The following HPGD variants were observed in gnomAD, a reference collection of about 807,000 sequenced individuals.
The protein encoded by HPGD is 15-hydroxyprostaglandin dehydrogenase [NAD(+)].
HPGD carries 29 observed loss-of-function variants against 30.0 expected under a neutral mutation model. The observed-to-expected ratio is 0.97, with a 90% confidence interval of 0.72 to 1.32. HPGD has a LOEUF of 1.32. Ranked by LOEUF, HPGD falls within the 40% of genes most tolerant of loss-of-function variation. The pLI is 0.00. For synonymous variants in HPGD, 99 were observed against 112.4 expected (o/e 0.88, Z 0.75); for missense variants, 340 against 322.1 (o/e 1.06, Z -0.43).
chr4:174,522,788 A>G (rs1736234057), upstream of HPGD: 3 of 236,116 alleles, frequency 1.3e-5, no homozygotes, highest in Admixed American at 1.7e-4. Flanking sequence ...TCAGTGCCCT[A>G]AAGACCAACT....
At chr4:174,502,570 C>T (rs1734964313) in intron 4 of HPGD, among the ~76,000 whole-genome samples, 1 of 149,368 alleles carries the variant, frequency 6.7e-6, no homozygotes, top group East Asian at 2.0e-4. Flanking sequence ...CTCAGCTACT[C>T]AGGAGGCTGA....
rs1734291984 is a variant in HPGD at position 174,490,564 on chromosome 4, C to A, written c.*1392G>T. 1 of 152,284 alleles carries A rather than the reference C, an allele frequency of 6.6e-6. No homozygotes were observed. The highest frequency in any genetic ancestry group is 1.5e-5 in the Non-Finnish European group (1 of 68,016). The allele number at this position is 152,284 out of a possible 1,614,324, so 9.4% of individuals were successfully genotyped here. A position where few individuals can be genotyped will look rare whatever the true frequency, so the allele number is the denominator to read the frequency against. On this transcript the variant is annotated 3_prime_UTR_variant, in exon 7 of 7. Transcript: ENST00000296522. This position sits in a 1 kb window ranked among gnomAD's most constrained non-coding sequence, Gnocchi z 4.4. Reference sequence around the variant, plus strand: ...ATGCCTGATTACAGTTTATCTCTATCAGATGTTCATTGATGTTCACTACTT... The same window carrying A: ...ATGCCTGATTACAGTTTATCTCTATAAGATGTTCATTGATGTTCACTACTT...
chr4:174,518,575 T>A (rs1360669468), intron 2 of HPGD, among the ~76,000 whole-genome samples: 1 of 152,220 alleles, frequency 6.6e-6, no homozygotes, highest in African/African-American at 2.4e-5. Flanking sequence ...TTCTTGTGTA[T>A]TCAGATCTAT....
At chr4:174,522,193 G>T in intron 1 of HPGD, 126 bp from the exon 2 acceptor site, 1 of 1,483,078 alleles carries the variant, frequency 6.7e-7, no homozygotes, top group Non-Finnish European at 9.3e-7. Flanking sequence ...TTCCCTCCCA[G>T]CCACTTCTGA....
chr4:174,493,422 G>C, intron 5 of HPGD, 108 bp from the exon 6 acceptor site: 2 of 989,914 alleles, frequency 2.0e-6, no homozygotes, highest in Non-Finnish European at 3.2e-6. Context: ...ATACTAATTA[G>C]ATATCCTCCC....
At chr4:174,503,064 T>C (rs1735001026) in intron 4 of HPGD, among the ~76,000 whole-genome samples, 1 of 152,236 alleles carries the variant, frequency 6.6e-6, no homozygotes, top group Non-Finnish European at 1.5e-5. Context: ...CTCATTCCTA[T>C]GTTAAGAAAC....
chr4:174,501,465 G>A (rs910053573), intron 4 of HPGD, among the ~76,000 whole-genome samples: 3 of 152,076 alleles, frequency 2.0e-5, no homozygotes, highest in African/African-American at 7.2e-5. Context: ...AAATAGTTAA[G>A]AACAGTATTT....
chr4:174,512,950 C>G (rs1186476234), intron 3 of HPGD, among the ~76,000 whole-genome samples: 1 of 152,202 alleles, frequency 6.6e-6, no homozygotes, highest in African/African-American at 2.4e-5. Flanking sequence ...TTCACACAGG[C>G]TACATTAAAG....
At position 174,494,548 on chromosome 4, in the gene HPGD, C is replaced by T. The variant is rs984717632; in HGVS notation, c.498+1000G>A. 2.0e-5 allele frequency among the ~76,000 whole-genome samples: 3 copies of T among 152,184 alleles called. No homozygotes were observed. Among genetic ancestry groups the T allele is most frequent in the Non-Finnish European group, 4.4e-5 (3 of 68,030 alleles). On this transcript the variant is annotated intron_variant, in intron 5 of 6. Coordinates refer to ENST00000296522, the MANE Select transcript of HPGD (RefSeq NM_000860.6). The surrounding 1 kb of genome is among the most constrained non-coding windows in gnomAD (Gnocchi z 4.9). ...AGTCTGTCTGAAGATTATGTCTTTG[C>T]AAATTAAGCAATAATTTCCAATCAA...
chr4:174,502,101 A>G (rs1353592881), intron 4 of HPGD, among the ~76,000 whole-genome samples: 1 of 152,240 alleles, frequency 6.6e-6, no homozygotes, highest in Non-Finnish European at 1.5e-5. Context: ...TACGCTAAAA[A>G]AGCAGGAATC....
rs1734359278 is a variant in HPGD at position 174,491,958 on chromosome 4, A to G, written c.799T>C (p.Ter267ArgextTer14). 2.5e-6 allele frequency: 4 copies of G among 1,611,678 alleles called. No homozygotes were observed. Among genetic ancestry groups the G allele is most frequent in the South Asian group, 1.1e-5 (1 of 91,038 alleles). Reference sequence around the variant, plus strand: ...GCTATGGCTAACACATAAGCTGTTCATTGGGTTTTTGCTTGAAATGGAGTT... The same window carrying G: ...GCTATGGCTAACACATAAGCTGTTCGTTGGGTTTTTGCTTGAAATGGAGTT... ...DTTPFQAKTQ[*>R] Residue 267 changes from the stop codon to arginine, a stop_lost, in exon 7 of 7, where the codon TGA becomes CGA. Transcript: ENST00000296522.
Position 174,492,005 on chromosome 4 carries a change from A to G in HPGD, c.752T>C (p.Ile251Thr). 1 of 1,611,392 alleles carries G rather than the reference A, an allele frequency of 6.2e-7. No individual in the cohort carries two copies. Among genetic ancestry groups the G allele is most frequent in the Non-Finnish European group, 8.5e-7 (1 of 1,177,834 alleles). The change falls in exon 7 of 7, where the codon ATT (isoleucine) becomes ACT (threonine). Residue 251 changes from isoleucine to threonine, a missense_variant. Transcript: ENST00000296522. This position sits in a 1 kb window ranked among gnomAD's most constrained non-coding sequence, Gnocchi z 4.9. ...AIMKITTSKG[I>T]HFQDYDTTPF... ...AGTTGTATCATAGTCTTGAAAATGA[A>G]TTCCCTTAGAAGTTGTGATCTTCAT...
At chr4:174,497,589 T>TTTTTTTTTTTTTTTTTTTC in intron 4 of HPGD, among the ~76,000 whole-genome samples, 1 of 126,628 alleles carries the variant, frequency 7.9e-6, no homozygotes. Context: ...TTTTTTTTTT[T>TTTTTTTTTTTTTTTTTTTC]TTTTTTTGAG....
At position 174,490,338 on chromosome 4, in the gene HPGD, T is replaced by A. The variant is rs886059242; in HGVS notation, c.*1618A>T. 9 of 152,342 alleles carry A rather than the reference T, an allele frequency of 5.9e-5. No homozygotes were observed. Among genetic ancestry groups the A allele is most frequent in the Non-Finnish European group, 1.2e-4 (8 of 68,028 alleles). The allele number at this position is 152,342 out of a possible 1,614,324, so 9.4% of individuals were successfully genotyped here. A position where few individuals can be genotyped will look rare whatever the true frequency, so the allele number is the denominator to read the frequency against. On this transcript the variant is annotated 3_prime_UTR_variant, in exon 7 of 7. Transcript: ENST00000296522. The surrounding 1 kb of genome is among the most constrained non-coding windows in gnomAD (Gnocchi z 4.4). The stretch of plus-strand genomic sequence containing the variant: ...TTTCAATTCTACTTGATATTTGATT[T>A]TAAATGTCTACATAATTTATTGATT...
chr4:174,508,927 G>A, intron 3 of HPGD, 135 bp from the exon 4 acceptor site: 1 of 683,308 alleles, frequency 1.5e-6, no homozygotes, highest in East Asian at 2.7e-5. Flanking sequence ...GGTTTTAAAA[G>A]AGCTTTGTTT....
intron 3 of HPGD, among the ~76,000 whole-genome samples, chr4:174,510,585 T>G (rs901965424): frequency 3.9e-5 from 6 of 152,226 alleles, no homozygotes; most frequent in Non-Finnish European, 8.8e-5. Context: ...TTTTTAATTT[T>G]TTAGAAAAGC....
chr4:174,493,617 T>C (rs1734450846), intron 5 of HPGD, among the ~76,000 whole-genome samples: 1 of 152,186 alleles, frequency 6.6e-6, no homozygotes, highest in South Asian at 2.1e-4. Flanking sequence ...GCTAAGTAGC[T>C]GAGACTTAGA....
rs111659072 is a variant in HPGD at position 174,519,218 on chromosome 4, A to ATTTT, written c.218-1145_218-1142dup. On this transcript the variant is annotated intron_variant, in intron 2 of 6. Transcript: ENST00000296522. ...AACACAAACTGTTTATTTTTCATGG[A>ATTTT]TTTTTTTTTTTTTGAGTCGGAGCCT... 2.5e-4 allele frequency among the ~76,000 whole-genome samples: 36 copies of ATTTT among 146,282 alleles called. 1 individual carries two copies. The highest frequency in any genetic ancestry group is 1.2e-3 in the East Asian group (6 of 4,918).
chr4:174,508,086 G>A, intron 4 of HPGD: 1 of 699,586 alleles, frequency 1.4e-6, no homozygotes, highest in Non-Finnish European at 2.6e-6. Flanking sequence ...AGAGAAAAAG[G>A]AATCCAGCAG....
Sources: gnomAD v4.1 joint callset for allele counts (sites outside exome capture counted in the v4.1 genomes callset) on GRCh38, gnomAD v4.1.1 for gene constraint, Gnocchi (gnomAD v3.1) non-coding constraint, MANE v1.5 for transcripts, NCBI Gene and HGNC (gene_info 2026-07-23, HGNC 2026-07-21) for gene names.